THEM6: variants seen among roughly 807,000 people sequenced by gnomAD.
The protein encoded by THEM6 is protein THEM6.
In THEM6, 10 loss-of-function variants were observed where a neutral mutation model predicts 13.7. The ratio of observed to expected loss-of-function variants is 0.73; its 90% CI spans 0.45 to 1.24. THEM6 has a LOEUF of 1.24. THEM6 is among the 50% of genes most tolerant of loss of function. The probability of loss-of-function intolerance (pLI) is 0.00; values close to 1 mark genes in which losing one functional copy is unlikely to be tolerated. For synonymous variants in THEM6, 161 were observed against 156.0 expected, an observed-to-expected ratio of 1.03 and a Z score of -0.24; for missense variants, 317 against 312.6, an observed-to-expected ratio of 1.01 and a Z score of -0.11.
intron 1 of THEM6, among the ~76,000 whole-genome samples, chr8:142,729,210 CATT>C (rs1451211778): frequency 2.6e-5 from 4 of 152,156 alleles, no homozygotes; most frequent in South Asian, 4.1e-4. Context: ...CTTTAGTAAA[CATT>C]ATTAATTTGT....
intron 1 of THEM6, among the ~76,000 whole-genome samples, chr8:142,730,957 G>A (rs1815634997): frequency 6.6e-6 from 1 of 152,124 alleles, no homozygotes; most frequent in Non-Finnish European, 1.5e-5. Flanking sequence ...GTGTTAGCCA[G>A]GATAGTCTCG....
chr8:142,729,829 G>T (rs1815604819), intron 1 of THEM6, among the ~76,000 whole-genome samples: 1 of 152,182 alleles, frequency 6.6e-6, no homozygotes, highest in Admixed American at 6.5e-5. Context: ...GTTTAACTTT[G>T]CTCCTGAGCA....
rs1489161102 is a variant in THEM6 at position 142,735,473 on chromosome 8, T to C, written c.*34T>C. 4 of 1,470,128 alleles carry C rather than the reference T, an allele frequency of 2.7e-6. No individual in the cohort carries two copies. Among genetic ancestry groups the C allele is most frequent in the Non-Finnish European group, 3.7e-6 (4 of 1,074,404 alleles). The allele number at this position is 1,470,128 out of a possible 1,614,324, so 91.1% of individuals were successfully genotyped here. On this transcript the variant is annotated 3_prime_UTR_variant, in exon 2 of 2. Coordinates refer to ENST00000336138, the MANE Select transcript of THEM6 (RefSeq NM_016647.3). ...TTCACACCGTCTGCCCTGGCCACCATCCTGGGCCTGGGGGCTGCCCACAGA... is the reference window on the plus strand; with the variant it reads ...TTCACACCGTCTGCCCTGGCCACCACCCTGGGCCTGGGGGCTGCCCACAGA...
At position 142,727,534 on chromosome 8, in the gene THEM6, T is replaced by C. The variant is rs1159068002; in HGVS notation, c.188T>C (p.Leu63Pro). The change falls in exon 1 of 2, where the codon CTG becomes CCG. Residue 63 changes from leucine (L) to proline (P), a missense_variant. Physicochemically the swap from Leu to Pro is moderately conservative, Grantham distance 98. Coordinates refer to ENST00000336138, the MANE Select transcript of THEM6 (RefSeq NM_016647.3). ...RVLPSDLDLL[L>P]HMNNARYLRE... is the part of the protein sequence containing the mutation. ...CTGCCCTCGGACTTGGACCTGCTGC[T>C]GCACATGAACAACGCGCGCTACCTG... 1.3e-6 allele frequency: 2 copies of C among 1,572,546 alleles called. No individual in the cohort carries two copies. The highest frequency in any genetic ancestry group is 1.7e-6 in the Non-Finnish European group (2 of 1,167,964).
chr8:142,727,734 G>A lies in THEM6; in HGVS notation c.388G>A (p.Ala130Thr), dbSNP rs1461221325. ...CCGCCTGCTGGGCTGGGACGACCGC[G>A]CGTTCTACCTGGAGGCGCGCTTTGT... The part of the protein sequence containing the change: ...RTRLLGWDDR[A>T]FYLEARFVSL... The change falls in exon 1 of 2, where the codon GCG becomes ACG. Residue 130 changes from alanine (A) to threonine (T), a missense_variant. Physicochemically the swap from Ala to Thr is moderately conservative, Grantham distance 58. Transcript: ENST00000336138. The A allele has an allele frequency of 1.5e-5, 21 of 1,439,262 alleles. No homozygotes were observed. The highest frequency in any genetic ancestry group is 1.9e-5 in the Non-Finnish European group (21 of 1,106,102). 89.2% of individuals were successfully genotyped at this position (1,439,262 alleles called of 1,614,324 possible). A position where few individuals can be genotyped will look rare whatever the true frequency, so the allele number is the denominator to read the frequency against.
At chr8:142,728,875 T>A (rs1326935336) in intron 1 of THEM6, among the ~76,000 whole-genome samples, 1 of 151,898 alleles carries the variant, frequency 6.6e-6, no homozygotes, top group Non-Finnish European at 1.5e-5. Flanking sequence ...GCTACAAGGG[T>A]TTGTGATAAA....
Position 142,727,529 on chromosome 8 carries a change from G to A in THEM6, c.183G>A (p.Leu61=), listed in dbSNP as rs1159258384. The A allele has an allele frequency of 6.3e-7, 1 of 1,578,536 alleles. No individual in the cohort carries two copies. The highest frequency in any genetic ancestry group is 8.5e-7 in the Non-Finnish European group (1 of 1,170,792). ...GCGTGCTGCCCTCGGACTTGGACCT[G>A]CTGCTGCACATGAACAACGCGCGCT... ...PGRVLPSDLD[L]LLHMNNARYL... The change falls in exon 1 of 2, where the codon CTG becomes CTA. Residue 61 remains leucine (L), a synonymous_variant. Coordinates refer to ENST00000336138, the MANE Select transcript of THEM6 (RefSeq NM_016647.3).
chr8:142,727,877 CT>C lies in THEM6; in HGVS notation c.513+19del. 7.2e-7 allele frequency: 1 copy of C among 1,389,508 alleles called. No individual in the cohort carries two copies. Among genetic ancestry groups the C allele is most frequent in the Non-Finnish European group, 9.2e-7 (1 of 1,081,282 alleles). The allele number at this position is 1,389,508 out of a possible 1,614,324, so 86.1% of individuals were successfully genotyped here. ...AGCGCAGGGTGAGCGGCCCCCGCCC[CT>C]GGCCCCGGAGCACGGCCTTTGTGGG... On this transcript the variant is annotated intron_variant, in intron 1 of 1. Transcript: ENST00000336138.
chr8:142,732,180 A>ATATATATG (rs1184770818), intron 1 of THEM6, among the ~76,000 whole-genome samples: 9 of 76,796 alleles, frequency 1.2e-4, no homozygotes, highest in Non-Finnish European at 1.8e-4. Context: ...ATATATATAT[A>ATATATATG]TATATATATA....
rs1407092025 is a variant in THEM6, at chr8:142,727,285, C to T, written c.-62C>T. 3.2e-5 allele frequency: 45 copies of T among 1,396,908 alleles called. No individual in the cohort carries two copies. The highest frequency in any genetic ancestry group is 7.6e-5 in the African/African-American group (5 of 65,606). The allele number at this position is 1,396,908 out of a possible 1,614,324, so 86.5% of individuals were successfully genotyped here. ...GAGGCCTGGCGGGCACCGTAACCAG[C>T]GCCGCGGACACCGGCACCGGCGCCA... is the stretch of plus-strand genomic sequence containing the variant. On this transcript the variant is annotated 5_prime_UTR_variant, in exon 1 of 2. Transcript: ENST00000336138.
chr8:142,735,507 C>A lies in THEM6; in HGVS notation c.*68C>A. Reference sequence around the variant, plus strand: ...TGGGGGCTGCCCACAGATGGGCAGTCTCAGCCATACTCTGTTCCAGCTGGA... The same window carrying A: ...TGGGGGCTGCCCACAGATGGGCAGTATCAGCCATACTCTGTTCCAGCTGGA... On this transcript the variant is annotated 3_prime_UTR_variant, in exon 2 of 2. Coordinates refer to ENST00000336138, the MANE Select transcript of THEM6 (RefSeq NM_016647.3). The A allele has an allele frequency of 2.5e-6, 3 of 1,187,848 alleles. No individual in the cohort carries two copies. The highest frequency in any genetic ancestry group is 3.6e-6 in the Non-Finnish European group (3 of 823,294). 73.6% of individuals were successfully genotyped at this position (1,187,848 alleles called of 1,614,324 possible). A position where few individuals can be genotyped will look rare whatever the true frequency, so the allele number is the denominator to read the frequency against.
At position 142,727,795 on chromosome 8, in the gene THEM6, G is replaced by A; in HGVS notation, c.449G>A (p.Arg150His). Reference sequence around the variant, plus strand: ...GACGGCTTCGTGTGCGCGCTGCTGCGCTTCCGGCAGCACCTGCTGGGCACC... The same window carrying A: ...GACGGCTTCGTGTGCGCGCTGCTGCACTTCCGGCAGCACCTGCTGGGCACC... ...LRDGFVCALL[R>H]FRQHLLGTSP... The change falls in exon 1 of 2, where the codon CGC (arginine) becomes CAC (histidine). Residue 150 changes from arginine to histidine, a missense_variant. Arg to His is a conservative substitution (Grantham distance 29). Coordinates refer to ENST00000336138, the MANE Select transcript of THEM6 (RefSeq NM_016647.3). 1 of 1,468,254 alleles carries A rather than the reference G, an allele frequency of 6.8e-7. No homozygotes were observed. Among genetic ancestry groups the A allele is most frequent in the Non-Finnish European group, 8.9e-7 (1 of 1,118,750 alleles). 91.0% of individuals were successfully genotyped at this position (1,468,254 alleles called of 1,614,324 possible).
intron 1 of THEM6, chr8:142,734,683 C>T (rs1815721717): frequency 6.5e-6 from 1 of 152,980 alleles, no homozygotes; most frequent in Admixed American, 6.5e-5. Flanking sequence ...GGTCACGACT[C>T]ATCTGCAGGG....
At chr8:142,731,690 C>T (rs1815649363) in intron 1 of THEM6, among the ~76,000 whole-genome samples, 1 of 152,164 alleles carries the variant, frequency 6.6e-6, no homozygotes, top group African/African-American at 2.4e-5. Context: ...CCCCTGCTTC[C>T]TTCTTCCCTC....
In THEM6 at chr8:142,735,523, T is replaced by C; in HGVS notation, c.*84T>C. 1 of 1,113,536 alleles carries C rather than the reference T, an allele frequency of 9.0e-7. No homozygotes were observed. The highest frequency in any genetic ancestry group is 1.3e-6 in the Non-Finnish European group (1 of 759,184). The allele number at this position is 1,113,536 out of a possible 1,614,324, so 69.0% of individuals were successfully genotyped here. On this transcript the variant is annotated 3_prime_UTR_variant, in exon 2 of 2. Coordinates refer to ENST00000336138, the MANE Select transcript of THEM6 (RefSeq NM_016647.3). ...ATGGGCAGTCTCAGCCATACTCTGT[T>C]CCAGCTGGAGTAGCCTCCTGACCAG...
intron 1 of THEM6, among the ~76,000 whole-genome samples, chr8:142,728,168 T>C (rs763924109): frequency 1.1e-4 from 17 of 152,184 alleles, no homozygotes; most frequent in Non-Finnish European, 1.5e-4. Flanking sequence ...TCCTCTCTCC[T>C]GGTACTCTGT....
rs1554642451 is a variant in THEM6, at chr8:142,727,504, G to T, written c.158G>T (p.Arg53Leu). 6.3e-7 allele frequency: 1 copy of T among 1,578,834 alleles called. No homozygotes were observed. Among genetic ancestry groups the T allele is most frequent in the Non-Finnish European group, 8.5e-7 (1 of 1,170,634 alleles). Residue 53 changes from arginine (R) to leucine (L), a missense_variant, in exon 1 of 2, where the codon CGC (arginine) becomes CTC (leucine). Physicochemically the swap from Arg to Leu is moderately radical, Grantham distance 102 (BLOSUM62 -2). Transcript: ENST00000336138. ...DLLAEQRFPG[R>L]VLPSDLDLLL... ...CTAGCTGAGCAGCGCTTCCCGGGCCGCGTGCTGCCCTCGGACTTGGACCTG... is the reference window on the plus strand; with the variant it reads ...CTAGCTGAGCAGCGCTTCCCGGGCCTCGTGCTGCCCTCGGACTTGGACCTG...
In THEM6 at chr8:142,735,472, A is replaced by C. The variant is rs376636629; in HGVS notation, c.*33A>C. The C allele has an allele frequency of 1.9e-4, 274 of 1,471,536 alleles. 2 individuals are homozygous for C. In the African/African-American group the frequency reaches 3.2e-3, roughly 17 times the overall value. The allele number at this position is 1,471,536 out of a possible 1,614,324, so 91.2% of individuals were successfully genotyped here. On this transcript the variant is annotated 3_prime_UTR_variant, in exon 2 of 2. Coordinates refer to ENST00000336138, the MANE Select transcript of THEM6 (RefSeq NM_016647.3). ...CTTCACACCGTCTGCCCTGGCCACC[A>C]TCCTGGGCCTGGGGGCTGCCCACAG...
At chr8:142,728,459 C>T (rs587746756) in intron 1 of THEM6, among the ~76,000 whole-genome samples, 1 of 152,382 alleles carries the variant, frequency 6.6e-6, no homozygotes, top group South Asian at 2.1e-4. Flanking sequence ...CAGCATGGCA[C>T]CTGGGGCCCT....
Sources: allele counts gnomAD v4.1 joint callset (sites outside exome capture counted in the v4.1 genomes callset), GRCh38; gene constraint gnomAD v4.1.1; transcripts MANE v1.5; gene names NCBI Gene and HGNC (gene_info 2026-07-23, HGNC 2026-07-21).